Variants in RAB31 observed in about 807,000 individuals in gnomAD.
The protein encoded by RAB31 is RAB31, member RAS oncogene family.
A neutral mutation model predicts 25.6 loss-of-function variants in RAB31; 21 were observed. That is an observed-to-expected ratio of 0.82 (90% CI 0.58 to 1.18). The LOEUF is 1.18. Ranked by LOEUF, RAB31 falls within the 50% of genes most tolerant of loss-of-function variation. The pLI is 0.00. For synonymous variants in RAB31, 87 were observed against 84.0 expected (o/e 1.04, Z -0.20); for missense variants, 196 against 250.1 (o/e 0.78, Z 1.46).
At chr18:9,856,811 T>C (rs2068818306) in intron 6 of RAB31, among the ~76,000 whole-genome samples, 1 of 152,208 alleles carries the variant, frequency 6.6e-6, no homozygotes. Flanking sequence ...ACTTCAATAA[T>C]GATGTAACTC....
At chr18:9,716,875 G>T (rs1057513290) in intron 1 of RAB31, among the ~76,000 whole-genome samples, 5 of 142,140 alleles carry the variant, frequency 3.5e-5, no homozygotes, top group Admixed American at 6.9e-5. Flanking sequence ...TTCCTGAGTA[G>T]CTGGGACTAC....
At chr18:9,835,084 C>CT (rs1269562563) in intron 5 of RAB31, among the ~76,000 whole-genome samples, 1 of 152,174 alleles carries the variant, frequency 6.6e-6, no homozygotes, top group African/African-American at 2.4e-5. Context: ...CTCTTCGTAT[C>CT]TTATCAACAA....
chr18:9,719,328 TAA>T (rs1343188238), intron 1 of RAB31, among the ~76,000 whole-genome samples: 6,976 of 57,062 alleles, frequency 0.12, 1,311 homozygotes, highest in East Asian at 0.19. Context: ...TATATATATA[TAA>T]ATAAATAAAT....
At chr18:9,716,809 A>T (rs1315764198) in intron 1 of RAB31, among the ~76,000 whole-genome samples, 2 of 152,138 alleles carry the variant, frequency 1.3e-5, no homozygotes, top group African/African-American at 4.8e-5. Context: ...CAGTGGTGTG[A>T]TCATAACTCA....
Position 9,708,538 on chromosome 18 carries a change from C to A in RAB31, c.39+94C>A. On this transcript the variant is annotated intron_variant, in intron 1 of 6. Coordinates refer to ENST00000578921, the MANE Select transcript of RAB31 (RefSeq NM_006868.4). This position sits in a 1 kb window ranked among gnomAD's most constrained non-coding sequence, Gnocchi z 6.4. ...CCTGCGCGCTCAGTCCCCGTGATCC[C>A]CTCGCTCTCCGCACCCCTCTCGTAG... 1 of 1,137,232 alleles carries A rather than the reference C, an allele frequency of 8.8e-7. No homozygotes were observed. Among genetic ancestry groups the A allele is most frequent in the South Asian group, 1.7e-5 (1 of 57,956 alleles). 70.4% of individuals were successfully genotyped at this position (1,137,232 alleles called of 1,614,324 possible).
chr18:9,760,551 A>G (rs2068282870), intron 1 of RAB31, among the ~76,000 whole-genome samples: 1 of 152,140 alleles, frequency 6.6e-6, no homozygotes, highest in Non-Finnish European at 1.5e-5. Flanking sequence ...CCTGCATTTC[A>G]AATAGAATGA....
intron 2 of RAB31, among the ~76,000 whole-genome samples, chr18:9,791,650 A>G (rs540606350): frequency 2.0e-5 from 3 of 151,022 alleles, no homozygotes; most frequent in East Asian, 2.0e-4. Flanking sequence ...CTGGAGTACC[A>G]TGGTGCCATC....
In RAB31 at chr18:9,788,182, A is replaced by G. The variant is rs144040891; in HGVS notation, c.120-3972A>G. On this transcript the variant is annotated intron_variant, in intron 2 of 6. Coordinates refer to ENST00000578921, the MANE Select transcript of RAB31 (RefSeq NM_006868.4). ...AATCCAGAATATACAAGCAACTCAA[A>G]CAACTCAACAGCAAAGAAAACCCAA... is the stretch of plus-strand genomic sequence containing the variant. Among the ~76,000 whole-genome samples, 555 of 152,358 alleles carry G rather than the reference A, an allele frequency of 3.6e-3. 7 individuals carry two copies. The highest frequency in any genetic ancestry group is 0.013 in the African/African-American group (534 of 41,588).
At chr18:9,812,951 G>T (rs1488101856) in intron 3 of RAB31, among the ~76,000 whole-genome samples, 4 of 150,940 alleles carry the variant, frequency 2.7e-5, no homozygotes, top group Non-Finnish European at 4.4e-5. Flanking sequence ...GCCTGCCTCA[G>T]CCTCCCAAGT....
chr18:9,848,150 A>G (rs1339745313), intron 6 of RAB31, among the ~76,000 whole-genome samples: 1 of 152,234 alleles, frequency 6.6e-6, no homozygotes, highest in Non-Finnish European at 1.5e-5. Context: ...GCTTGTAAAT[A>G]CACAGCCATG....
chr18:9,751,134 A>G (rs552174717), intron 1 of RAB31, among the ~76,000 whole-genome samples: 81 of 152,236 alleles, frequency 5.3e-4, no homozygotes, highest in Non-Finnish European at 9.3e-4. Context: ...TTCTGGCTCA[A>G]ACAGTCCTCC....
At chr18:9,834,164 A>G (rs2068692973) in intron 5 of RAB31, among the ~76,000 whole-genome samples, 1 of 151,908 alleles carries the variant, frequency 6.6e-6, no homozygotes, top group African/African-American at 2.4e-5. Flanking sequence ...TGCCCAGGCT[A>G]GAGTACAACG....
intron 1 of RAB31, among the ~76,000 whole-genome samples, chr18:9,769,983 G>A (rs2068335797): frequency 1.3e-5 from 2 of 152,296 alleles, no homozygotes; most frequent in South Asian, 4.1e-4. Flanking sequence ...TTATGTGATG[G>A]ATTACGATTA....
chr18:9,719,336 T>A lies in RAB31; in HGVS notation c.39+10892T>A, dbSNP rs773203374. On this transcript the variant is annotated intron_variant, in intron 1 of 6. Coordinates refer to ENST00000578921, the MANE Select transcript of RAB31 (RefSeq NM_006868.4). ...ATATATATATATATATATAAATAAA[T>A]AAATTTGATCTAATTATGAGGGAGG... is the stretch of plus-strand genomic sequence containing the variant. Among the ~76,000 whole-genome samples, 219 of 83,516 alleles carry A rather than the reference T, an allele frequency of 2.6e-3. 4 individuals are homozygous for A. The highest frequency in any genetic ancestry group is 5.1e-3 in the East Asian group (11 of 2,178). 54.8% of individuals were successfully genotyped at this position (83,516 alleles called of 152,430 possible).
intron 1 of RAB31, among the ~76,000 whole-genome samples, chr18:9,771,138 TC>T (rs1333234161): frequency 1.3e-5 from 2 of 152,126 alleles, no homozygotes; most frequent in Non-Finnish European, 2.9e-5. Context: ...ACCACTGCAT[TC>T]CAGCCTGGGT....
chr18:9,810,669 C>T (rs1568185061), intron 3 of RAB31, among the ~76,000 whole-genome samples: 1 of 152,204 alleles, frequency 6.6e-6, no homozygotes, highest in Non-Finnish European at 1.5e-5. Flanking sequence ...ATGAGACCTC[C>T]ATGCCAGTGA....
At chr18:9,826,397 AC>A (rs1284280204) in intron 5 of RAB31, among the ~76,000 whole-genome samples, 1 of 149,918 alleles carries the variant, frequency 6.7e-6, no homozygotes, top group Admixed American at 6.6e-5. Flanking sequence ...AAACAAACAA[AC>A]AAAAAAGTTG....
chr18:9,751,078 G>A (rs117028455), intron 1 of RAB31, among the ~76,000 whole-genome samples: 3,594 of 152,004 alleles, frequency 0.024, 34 homozygotes, highest in Middle Eastern at 0.044. Flanking sequence ...ATGGTCACCC[G>A]GGCTGGAGTG....
At chr18:9,816,179 C>T (rs533000358) in intron 5 of RAB31, 1 of 217,084 alleles carries the variant, frequency 4.6e-6, no homozygotes, top group South Asian at 8.5e-5. Flanking sequence ...AGGTATCATG[C>T]CTTTGTTATG....
Sources: allele counts gnomAD v4.1 joint callset (sites outside exome capture counted in the v4.1 genomes callset), GRCh38; gene constraint gnomAD v4.1.1; non-coding constraint Gnocchi (gnomAD v3.1); transcripts MANE v1.5; gene names NCBI Gene and HGNC (gene_info 2026-07-23, HGNC 2026-07-21).